The following RGS6 variants were observed in gnomAD, a reference collection of about 807,000 sequenced individuals.
RGS6 encodes the protein regulator of G-protein signaling 6.
A neutral mutation model predicts 78.5 loss-of-function variants in RGS6; 30 were observed. The ratio of observed to expected loss-of-function variants is 0.38; its 90% CI spans 0.29 to 0.52. RGS6 has a LOEUF of 0.52. Ranked by LOEUF, RGS6 falls within the 20% of genes least tolerant of loss-of-function variation. The pLI is 0.85. For synonymous variants in RGS6, 206 were observed against 206.0 expected, an observed-to-expected ratio of 1.00 and a Z score of 0.00; for missense variants, 495 against 609.7, an observed-to-expected ratio of 0.81 and a Z score of 1.98.
intron 3 of RGS6, among the ~76,000 whole-genome samples, chr14:72,401,743 A>T (rs2092427743): frequency 6.6e-6 from 1 of 152,212 alleles, no homozygotes; most frequent in South Asian, 2.1e-4. Context: ...AGAAAGAAAC[A>T]TAAAGCATCC....
At chr14:72,009,544 C>T (rs1406039381) in intron 2 of RGS6, among the ~76,000 whole-genome samples, 2 of 152,150 alleles carry the variant, frequency 1.3e-5, no homozygotes, top group African/African-American at 4.8e-5. Flanking sequence ...GCTGATTTTG[C>T]TTTATATTCT....
chr14:72,040,892 T>C (rs1036303697), intron 2 of RGS6, among the ~76,000 whole-genome samples: 15 of 152,210 alleles, frequency 9.9e-5, no homozygotes, highest in Admixed American at 2.6e-4. Flanking sequence ...TGTTGTATTC[T>C]TCAGCTCAAG....
rs1313582883 is a variant in RGS6 at position 71,993,298 on chromosome 14, C to G, written c.84+28423C>G. ...CATCTTAGCTGCCATGAACAGCGCACACTTTGACAAAATATTTTTTTTAGA... is the reference window on the plus strand; with the variant it reads ...CATCTTAGCTGCCATGAACAGCGCAGACTTTGACAAAATATTTTTTTTAGA... On this transcript the variant is annotated intron_variant, in intron 2 of 17. Transcript: ENST00000553525. Among the ~76,000 whole-genome samples, 4 of 133,830 alleles carry G rather than the reference C, an allele frequency of 3.0e-5. No individual in the cohort carries two copies. The East Asian group carries it at 9.1e-4, about 30-fold the overall frequency. 87.8% of individuals were successfully genotyped at this position (133,830 alleles called of 152,430 possible). A position where few individuals can be genotyped will look rare whatever the true frequency, so the allele number is the denominator to read the frequency against.
intron 3 of RGS6, among the ~76,000 whole-genome samples, chr14:72,403,365 A>G (rs1157379992): frequency 6.6e-6 from 1 of 152,240 alleles, no homozygotes; most frequent in Non-Finnish European, 1.5e-5. Flanking sequence ...GACAAATACC[A>G]TATGATCTCA....
intron 2 of RGS6, among the ~76,000 whole-genome samples, chr14:72,303,837 T>C (rs912348587): frequency 1.3e-5 from 2 of 152,196 alleles, no homozygotes; most frequent in African/African-American, 4.8e-5. Flanking sequence ...ATTCTAAACC[T>C]CTTCTTTCAC....
At chr14:71,942,128 A>G (rs1468641413) in intron 1 of RGS6, among the ~76,000 whole-genome samples, 3 of 152,250 alleles carry the variant, frequency 2.0e-5, no homozygotes, top group South Asian at 2.1e-4. Flanking sequence ...TAAGCCTGTA[A>G]TAAGAGTTAT....
rs1482416704 is a variant in RGS6 at position 72,562,938 on chromosome 14, G to C, written c.*471G>C. On this transcript the variant is annotated 3_prime_UTR_variant, in exon 18 of 18. Transcript: ENST00000553525. ...CTCCCTGGCACCTCCCATAGTTACA[G>C]CCACTACATCCCCACCGCCGCCTGT... The C allele has an allele frequency of 6.2e-6, 4 of 646,820 alleles. No individual in the cohort carries two copies. Among genetic ancestry groups the C allele is most frequent in the Non-Finnish European group, 1.1e-5 (4 of 360,652 alleles). The allele number at this position is 646,820 out of a possible 1,614,324, so 40.1% of individuals were successfully genotyped here. A position where few individuals can be genotyped will look rare whatever the true frequency, so the allele number is the denominator to read the frequency against.
chr14:71,913,619 C>T, the RGS6 span, among the ~76,000 whole-genome samples: 8 of 152,338 alleles, frequency 5.3e-5, no homozygotes, highest in Admixed American at 6.5e-5. Flanking sequence ...ATGCAACCCA[C>T]TCTGTTCTGG....
At chr14:72,042,409 A>G (rs117081544) in intron 2 of RGS6, among the ~76,000 whole-genome samples, 11,056 of 152,150 alleles carry the variant, frequency 0.073, 470 homozygotes, top group East Asian at 0.17. Context: ...GATTATGGGC[A>G]TGAGCCACCG....
At chr14:72,198,615 A>G (rs1243188451) in intron 2 of RGS6, among the ~76,000 whole-genome samples, 1 of 152,202 alleles carries the variant, frequency 6.6e-6, no homozygotes, top group Non-Finnish European at 1.5e-5. Flanking sequence ...GGTTCGTAAA[A>G]CTAGAGAAGA....
At chr14:72,329,600 T>G (rs554714171) in intron 2 of RGS6, among the ~76,000 whole-genome samples, 1 of 152,370 alleles carries the variant, frequency 6.6e-6, no homozygotes, top group East Asian at 1.9e-4. Context: ...AACATGCAAG[T>G]GTTTTCATTT....
intron 12 of RGS6, among the ~76,000 whole-genome samples, chr14:72,487,352 AAACTACAC>A (rs2096507032): frequency 6.6e-6 from 1 of 152,230 alleles, no homozygotes; most frequent in Admixed American, 6.5e-5. Context: ...AATTGCAGTC[AAACTACAC>A]CTGTGGTAGG....
At chr14:71,963,642 T>G (rs905181095) in intron 1 of RGS6, among the ~76,000 whole-genome samples, 1 of 152,238 alleles carries the variant, frequency 6.6e-6, no homozygotes, top group Non-Finnish European at 1.5e-5. Context: ...ACTTAGCGTG[T>G]TTTCACTTAG....
At chr14:72,459,530 A>C in intron 5 of RGS6, 102 bp from the exon 6 acceptor site, 1 of 1,031,404 alleles carries the variant, frequency 9.7e-7, no homozygotes, top group Non-Finnish European at 1.5e-6. Flanking sequence ...AGCAAGAAGG[A>C]GATGGGGGAG....
chr14:72,256,106 GC>G (rs1308352726), intron 2 of RGS6, among the ~76,000 whole-genome samples: 7 of 152,208 alleles, frequency 4.6e-5, no homozygotes, highest in Non-Finnish European at 1.0e-4. Context: ...TTTAATTATT[GC>G]TAGGCAGTCA....
rs139314375 is a variant in RGS6 at position 72,127,408 on chromosome 14, T to C, written c.84+162533T>C. Among the ~76,000 whole-genome samples, 407 of 152,312 alleles carry C rather than the reference T, an allele frequency of 2.7e-3. 11 individuals carry two copies. The highest frequency in any genetic ancestry group is 0.021 in the Admixed American group (316 of 15,292). ...TTATATTGCCTAAGTATAGACTGAA[T>C]ACATTTTAATATTTAATTGTTTTTT... On this transcript the variant is annotated intron_variant, in intron 2 of 17. Transcript: ENST00000553525.
the RGS6 span, among the ~76,000 whole-genome samples, chr14:72,592,817 G>A: frequency 6.6e-6 from 1 of 152,162 alleles, no homozygotes; most frequent in African/African-American, 2.4e-5. Context: ...TAAGTTGCCT[G>A]GCTGCTCCCA....
At chr14:72,083,429 T>G (rs1279902179) in intron 2 of RGS6, among the ~76,000 whole-genome samples, 1 of 152,140 alleles carries the variant, frequency 6.6e-6, no homozygotes, top group Non-Finnish European at 1.5e-5. Context: ...CTGATTCAAA[T>G]GTTAATAGTG....
At chr14:72,023,451 G>C (rs1596245942) in intron 2 of RGS6, among the ~76,000 whole-genome samples, 3 of 152,258 alleles carry the variant, frequency 2.0e-5, no homozygotes, top group Admixed American at 6.5e-5. Flanking sequence ...ATTAAAACTA[G>C]ATATTCACTA....
Sources: gnomAD v4.1 joint callset for allele counts (sites outside exome capture counted in the v4.1 genomes callset) on GRCh38, gnomAD v4.1.1 for gene constraint, MANE v1.5 for transcripts, NCBI Gene and HGNC (gene_info 2026-07-23, HGNC 2026-07-21) for gene names.